RAPGEF6: variants seen among roughly 807,000 people sequenced by gnomAD.
The protein encoded by RAPGEF6 is Rap guanine nucleotide exchange factor 6, also known as PDZ domain containing guanine nucleotide exchange factor (GEF) 2.
RAPGEF6 carries 56 observed loss-of-function variants against 171.4 expected under a neutral mutation model. The ratio of observed to expected loss-of-function variants is 0.33; its 90% CI spans 0.26 to 0.41. RAPGEF6 has a LOEUF of 0.41. RAPGEF6 is among the 10% of genes least tolerant of loss of function. RAPGEF6 has a pLI of 1.00. For synonymous variants in RAPGEF6, 692 were observed against 650.1 expected (o/e 1.06, Z -0.98); for missense variants, 1,674 against 1,921.4 (o/e 0.87, Z 2.41).
chr5:131,630,201 T>C (rs1766213679), intron 1 of RAPGEF6, among the ~76,000 whole-genome samples: 2 of 152,200 alleles, frequency 1.3e-5, no homozygotes, highest in South Asian at 4.1e-4. Flanking sequence ...GCAGCAGCTA[T>C]CAACACTAAG....
intron 15 of RAPGEF6, 75 bp from the exon 16 acceptor site, chr5:131,479,828 G>T: frequency 6.9e-7 from 1 of 1,441,498 alleles, no homozygotes; most frequent in South Asian, 1.3e-5. Context: ...AAATTTTAAG[G>T]ATAAACACAG....
At chr5:131,525,407 T>C (rs750748694) in intron 6 of RAPGEF6, among the ~76,000 whole-genome samples, 17 of 152,214 alleles carry the variant, frequency 1.1e-4, no homozygotes, top group Non-Finnish European at 2.1e-4. Context: ...CAATCCTCTA[T>C]TGAAATAGCC....
At chr5:131,556,269 T>A (rs183420697) in intron 5 of RAPGEF6, among the ~76,000 whole-genome samples, 46 of 152,272 alleles carry the variant, frequency 3.0e-4, no homozygotes, top group African/African-American at 1.1e-3. Flanking sequence ...GTGAAACTCA[T>A]CTCTACTAAA....
chr5:131,623,029 A>G (rs917078024), intron 1 of RAPGEF6, among the ~76,000 whole-genome samples: 3 of 152,218 alleles, frequency 2.0e-5, no homozygotes, highest in Admixed American at 1.3e-4. Flanking sequence ...CTCCTTCTTT[A>G]ACTTTTTAAT....
At chr5:131,623,671 G>T (rs1189134949) in intron 1 of RAPGEF6, among the ~76,000 whole-genome samples, 17 of 151,916 alleles carry the variant, frequency 1.1e-4, no homozygotes, top group Non-Finnish European at 1.5e-4. Flanking sequence ...TTTTAGTACA[G>T]AGGAGGTTTC....
chr5:131,469,010 G>A (rs1239658588), intron 17 of RAPGEF6, among the ~76,000 whole-genome samples: 1 of 152,156 alleles, frequency 6.6e-6, no homozygotes, highest in African/African-American at 2.4e-5. Flanking sequence ...CATAAAACAG[G>A]TAAAGATACG....
At chr5:131,466,392 G>A (rs202220318) in intron 17 of RAPGEF6, among the ~76,000 whole-genome samples, 1 of 152,078 alleles carries the variant, frequency 6.6e-6, no homozygotes, top group Admixed American at 6.6e-5. Context: ...AAACCTACAA[G>A]ACTTAAGGTC....
At chr5:131,459,975 A>C (rs1320875098) in intron 19 of RAPGEF6, among the ~76,000 whole-genome samples, 3 of 152,328 alleles carry the variant, frequency 2.0e-5, no homozygotes, top group Non-Finnish European at 4.4e-5. Context: ...TTATAGCCAG[A>C]ACAGAATGAT....
At chr5:131,450,111 CAGTTG>C (rs1752967900) in intron 21 of RAPGEF6, 1 of 1,448,242 alleles carries the variant, frequency 6.9e-7, no homozygotes, top group African/African-American at 1.4e-5. Context: ...AAAAAGACAA[CAGTTG>C]AGAGTCAGAG....
chr5:131,574,593 T>C lies in RAPGEF6; in HGVS notation c.282-12546A>G, dbSNP rs534854462. ...CAACATTCTTTTATGCACTCTTTTT[T>C]AGTTCTCCCCACCTGCCCAGTTCCC... On this transcript the variant is annotated intron_variant, in intron 4 of 27. Transcript: ENST00000509018. Among the ~76,000 whole-genome samples, 24 of 152,278 alleles carry C rather than the reference T, an allele frequency of 1.6e-4. No individual in the cohort carries two copies. The East Asian group carries it at 3.7e-3, about 23-fold the overall frequency.
rs778885568 is a variant in RAPGEF6 at position 131,424,809 on chromosome 5, G to C, written c.*2457C>G. On this transcript the variant is annotated 3_prime_UTR_variant, in exon 28 of 28. Transcript: ENST00000509018. ...TTACTATTTGGCAAAAGTTTGCACT[G>C]AGCGTTAACTGCTTCAACAGTCTTG... 2.0e-5 allele frequency: 3 copies of C among 152,290 alleles called. No individual in the cohort carries two copies. The South Asian group carries it at 6.2e-4, about 32-fold the overall frequency. 9.4% of individuals were successfully genotyped at this position (152,290 alleles called of 1,614,324 possible).
intron 21 of RAPGEF6, chr5:131,450,024 C>A: frequency 6.5e-7 from 1 of 1,543,152 alleles, no homozygotes; most frequent in South Asian, 1.2e-5. Flanking sequence ...TACACTTACC[C>A]CAGACTCCGC....
At chr5:131,602,464 T>A (rs1024093984) in intron 3 of RAPGEF6, among the ~76,000 whole-genome samples, 4 of 152,084 alleles carry the variant, frequency 2.6e-5, no homozygotes, top group African/African-American at 9.7e-5. Context: ...TTTATAATAC[T>A]AAAAATTAGA....
intron 24 of RAPGEF6, among the ~76,000 whole-genome samples, chr5:131,438,114 G>GCGGC: frequency 9.4e-6 from 1 of 105,974 alleles, no homozygotes; most frequent in Admixed American, 9.9e-5. Flanking sequence ...TCGGCCTCCT[G>GCGGC]AGTAGCTGGG....
chr5:131,562,583 G>A (rs1361001080), intron 4 of RAPGEF6, among the ~76,000 whole-genome samples: 1 of 152,204 alleles, frequency 6.6e-6, no homozygotes, highest in Non-Finnish European at 1.5e-5. Flanking sequence ...CAGTGCTCAA[G>A]CGCCTAACAT....
chr5:131,474,791 AAC>A (rs1037510296), intron 16 of RAPGEF6, among the ~76,000 whole-genome samples: 7 of 152,206 alleles, frequency 4.6e-5, no homozygotes, highest in African/African-American at 9.6e-5. Flanking sequence ...TTTTTAAAAA[AAC>A]AGTCTTTCTT....
chr5:131,544,027 AAAT>A lies in RAPGEF6; in HGVS notation c.495+4017_495+4019del, dbSNP rs142033872. Among the ~76,000 whole-genome samples, 1,400 of 152,262 alleles carry A rather than the reference AAAT, an allele frequency of 9.2e-3. 13 individuals are homozygous for A. Among genetic ancestry groups the A allele is most frequent in the East Asian group, 0.052 (269 of 5,190 alleles). ...TACCACTACCTATTAAAAATTTTAA[AAAT>A]AATAATAATAAAATCTGACAATACC... is the stretch of plus-strand genomic sequence containing the variant. On this transcript the variant is annotated intron_variant, in intron 6 of 27. Coordinates refer to ENST00000509018, the MANE Select transcript of RAPGEF6 (RefSeq NM_016340.6).
chr5:131,440,444 C>A (rs555088500), intron 23 of RAPGEF6, among the ~76,000 whole-genome samples: 1 of 152,092 alleles, frequency 6.6e-6, no homozygotes. Flanking sequence ...GTTCTTAAAA[C>A]ATAAAGTAAG....
At chr5:131,481,884 T>C (rs1368599284) in intron 15 of RAPGEF6, among the ~76,000 whole-genome samples, 2 of 152,214 alleles carry the variant, frequency 1.3e-5, no homozygotes, top group Non-Finnish European at 2.9e-5. Flanking sequence ...TTTTTTATTT[T>C]TTAAGTTGTA....
Sources: allele counts gnomAD v4.1 joint callset (sites outside exome capture counted in the v4.1 genomes callset), GRCh38; gene constraint gnomAD v4.1.1; transcripts MANE v1.5; gene names NCBI Gene and HGNC (gene_info 2026-07-23, HGNC 2026-07-21).